ZBTB7C: variants seen among roughly 807,000 people sequenced by gnomAD.
ZBTB7C encodes the protein zinc finger and BTB domain-containing protein 7C.
In ZBTB7C, 8 loss-of-function variants were observed where a neutral mutation model predicts 25.7. That is an observed-to-expected ratio of 0.31 (90% CI 0.18 to 0.56). The LOEUF (loss-of-function observed/expected upper bound fraction) is 0.56. ZBTB7C is among the 20% of genes least tolerant of loss of function. The pLI, the probability that ZBTB7C is intolerant of heterozygous loss-of-function variation, is 0.91. For synonymous variants in ZBTB7C, 394 were observed against 369.0 expected (o/e 1.07, Z -0.78); for missense variants, 824 against 855.2 (o/e 0.96, Z 0.46).
chr18:48,053,433 C>A (rs1248225361), intron 3 of ZBTB7C, among the ~76,000 whole-genome samples: 1 of 152,074 alleles, frequency 6.6e-6, no homozygotes, highest in East Asian at 1.9e-4. Flanking sequence ...TTGACTGAAT[C>A]AAACTGGTCA....
chr18:48,182,041 G>C (rs1258804328), intron 3 of ZBTB7C, among the ~76,000 whole-genome samples: 2 of 152,220 alleles, frequency 1.3e-5, no homozygotes, highest in Non-Finnish European at 2.9e-5. Context: ...AGAGGCAGCT[G>C]ACAGGCCATT....
chr18:48,300,288 T>C (rs2144736184), intron 2 of ZBTB7C, among the ~76,000 whole-genome samples: 1 of 152,272 alleles, frequency 6.6e-6, no homozygotes, highest in East Asian at 1.9e-4. Flanking sequence ...GGCTAGGTTT[T>C]TCATGAGTTC....
intron 3 of ZBTB7C, among the ~76,000 whole-genome samples, chr18:48,069,882 G>A (rs2037477843): frequency 1.3e-5 from 2 of 152,178 alleles, no homozygotes; most frequent in South Asian, 4.1e-4. Context: ...GTAAGGAAAT[G>A]GCTTCAGGGG....
At chr18:48,245,093 T>TATATAC (rs2043642081) in intron 2 of ZBTB7C, among the ~76,000 whole-genome samples, 1 of 94,836 alleles carries the variant, frequency 1.1e-5, no homozygotes, top group Non-Finnish European at 2.4e-5. Context: ...TGTGTGTGTG[T>TATATAC]ATATATATAT....
chr18:48,164,202 T>C (rs978543582), intron 3 of ZBTB7C, among the ~76,000 whole-genome samples: 1 of 152,140 alleles, frequency 6.6e-6, no homozygotes. Flanking sequence ...GCTTTTGAAA[T>C]AATTAAATTA....
chr18:48,101,268 C>A (rs778038975), intron 3 of ZBTB7C, among the ~76,000 whole-genome samples: 7 of 152,196 alleles, frequency 4.6e-5, no homozygotes, highest in Non-Finnish European at 8.8e-5. Flanking sequence ...TCATTGTATG[C>A]TCCTTTTTAT....
intron 3 of ZBTB7C, among the ~76,000 whole-genome samples, chr18:48,065,504 A>G (rs2037295797): frequency 6.6e-6 from 1 of 152,214 alleles, no homozygotes; most frequent in Admixed American, 6.5e-5. Context: ...TTCAGGTAAC[A>G]CTGGGGGTAG....
chr18:48,182,380 T>C (rs1568284646), intron 3 of ZBTB7C, among the ~76,000 whole-genome samples: 1 of 152,106 alleles, frequency 6.6e-6, no homozygotes, highest in African/African-American at 2.4e-5. Flanking sequence ...ATTTGGAAAA[T>C]GTACACTGGC....
intron 1 of ZBTB7C, among the ~76,000 whole-genome samples, chr18:48,395,187 T>G (rs759080963): frequency 1.3e-5 from 2 of 152,062 alleles, no homozygotes; most frequent in African/African-American, 2.4e-5. Context: ...TAATATTTAC[T>G]GAGTTCTGGC....
intron 3 of ZBTB7C, among the ~76,000 whole-genome samples, chr18:48,153,229 G>GC (rs1296582718): frequency 4.6e-5 from 7 of 152,170 alleles, no homozygotes; most frequent in African/African-American, 1.7e-4. Flanking sequence ...TATGAGCCAG[G>GC]CAACATATAA....
chr18:48,231,486 T>C (rs536955145), intron 2 of ZBTB7C, among the ~76,000 whole-genome samples: 1 of 152,164 alleles, frequency 6.6e-6, no homozygotes, highest in Non-Finnish European at 1.5e-5. Context: ...TCCTCTCTGC[T>C]GAGAGCTGAG....
At chr18:48,384,844 G>A (rs2047710786) in intron 1 of ZBTB7C, among the ~76,000 whole-genome samples, 2 of 152,080 alleles carry the variant, frequency 1.3e-5, no homozygotes, top group South Asian at 4.2e-4. Context: ...ACCATGCCCG[G>A]CTAATTTTTG....
chr18:48,396,435 G>T (rs777856419), intron 1 of ZBTB7C, among the ~76,000 whole-genome samples: 3 of 152,188 alleles, frequency 2.0e-5, no homozygotes, highest in South Asian at 2.1e-4. Context: ...ACCTCATCAG[G>T]TGAGCTCTGA....
intron 3 of ZBTB7C, among the ~76,000 whole-genome samples, chr18:48,066,327 C>G (rs1233144320): frequency 6.6e-6 from 1 of 152,198 alleles, no homozygotes; most frequent in Non-Finnish European, 1.5e-5. Context: ...GTACACCCCA[C>G]GGATGTGGGT....
At chr18:48,106,915 G>A (rs2039049368) in intron 3 of ZBTB7C, among the ~76,000 whole-genome samples, 1 of 152,044 alleles carries the variant, frequency 6.6e-6, no homozygotes, top group Non-Finnish European at 1.5e-5. Context: ...GGGGAAAGGA[G>A]GTTCTATATA....
intron 2 of ZBTB7C, among the ~76,000 whole-genome samples, chr18:48,215,478 T>C (rs370862228): frequency 6.6e-6 from 1 of 152,164 alleles, no homozygotes; most frequent in South Asian, 2.1e-4. Flanking sequence ...AGTCCAGAAA[T>C]GTGGGACAAC....
At chr18:48,245,092 G>GTATA (rs1397704476) in intron 2 of ZBTB7C, among the ~76,000 whole-genome samples, 34 of 126,334 alleles carry the variant, frequency 2.7e-4, no homozygotes, top group Non-Finnish European at 5.0e-4. Context: ...GTGTGTGTGT[G>GTATA]TATATATATA....
rs1055603445 is a variant in ZBTB7C at position 48,109,725 on chromosome 18, G to A, written c.-16-68602C>T. ...AGAGGAGGGAGGGGGCAAGGGCTGC[G>A]GAGGTGCATTTCCTATATGCCCAAC... is the stretch of plus-strand genomic sequence containing the variant. On this transcript the variant is annotated intron_variant, in intron 3 of 4. Coordinates refer to ENST00000590800, the MANE Select transcript of ZBTB7C (RefSeq NM_001318841.2). 5.9e-5 allele frequency among the ~76,000 whole-genome samples: 9 copies of A among 152,114 alleles called. No homozygotes were observed. In the East Asian group the frequency reaches 9.6e-4, roughly 16 times the overall value.
intron 3 of ZBTB7C, among the ~76,000 whole-genome samples, chr18:48,075,285 G>A (rs201961020): frequency 6.6e-6 from 1 of 152,210 alleles, no homozygotes; most frequent in Non-Finnish European, 1.5e-5. Flanking sequence ...TGCCCTTACT[G>A]TTCTATGGGA....
Sources: gnomAD v4.1 joint callset for allele counts (sites outside exome capture counted in the v4.1 genomes callset) on GRCh38, gnomAD v4.1.1 for gene constraint, MANE v1.5 for transcripts, NCBI Gene and HGNC (gene_info 2026-07-23, HGNC 2026-07-21) for gene names.